DTD1: variants seen among roughly 807,000 people sequenced by gnomAD.
The protein encoded by DTD1 is D-tyrosyl-tRNA deacylase 1 homolog.
Under a neutral mutation model 25.6 loss-of-function variants are expected in DTD1, and 13 were observed. The ratio of observed to expected loss-of-function variants is 0.51; its 90% CI spans 0.33 to 0.81. The LOEUF is 0.81. Ranked by LOEUF, DTD1 falls within the 30% of genes least tolerant of loss-of-function variation. The probability of loss-of-function intolerance (pLI) is 0.02; values close to 1 mark genes in which losing one functional copy is unlikely to be tolerated. For synonymous variants in DTD1, 110 were observed against 103.6 expected (o/e 1.06, Z -0.37); for missense variants, 193 against 266.4 (o/e 0.72, Z 1.92).
intron 4 of DTD1, among the ~76,000 whole-genome samples, chr20:18,680,517 C>T (rs949183693): frequency 6.7e-6 from 1 of 150,100 alleles, no homozygotes; most frequent in Non-Finnish European, 1.5e-5. Flanking sequence ...GTTGGGATTA[C>T]AGGTGTGAGC....
chr20:18,735,987 G>A (rs1366587188), intron 4 of DTD1, among the ~76,000 whole-genome samples: 5 of 152,056 alleles, frequency 3.3e-5, no homozygotes. Flanking sequence ...TGTATCTTAT[G>A]TGTGGCCCAA....
chr20:18,690,438 A>C (rs1307815334), intron 4 of DTD1, among the ~76,000 whole-genome samples: 2 of 152,078 alleles, frequency 1.3e-5, no homozygotes, highest in Non-Finnish European at 2.9e-5. Context: ...CCAAGAGGGT[A>C]TTTCCTAGGT....
chr20:18,745,792 C>A (rs545267247), intron 5 of DTD1, among the ~76,000 whole-genome samples: 1 of 152,122 alleles, frequency 6.6e-6, no homozygotes, highest in East Asian at 1.9e-4. Context: ...TGGTATGCAA[C>A]CCTGAGGAAT....
At chr20:18,760,142 T>A (rs2061355636) in intron 5 of DTD1, among the ~76,000 whole-genome samples, 2 of 152,218 alleles carry the variant, frequency 1.3e-5, no homozygotes, top group South Asian at 4.1e-4. Context: ...TCGTCTAATC[T>A]TTTTTCAAGG....
chr20:18,738,736 C>A (rs1286244997), intron 4 of DTD1, among the ~76,000 whole-genome samples: 1 of 152,158 alleles, frequency 6.6e-6, no homozygotes, highest in Non-Finnish European at 1.5e-5. Context: ...AAGTAGGAGA[C>A]TCCTGCCAGC....
At chr20:18,757,246 A>G (rs1262066903) in intron 5 of DTD1, among the ~76,000 whole-genome samples, 2 of 152,186 alleles carry the variant, frequency 1.3e-5, no homozygotes, top group Non-Finnish European at 1.5e-5. Context: ...CTGTTTTCCT[A>G]ATTGAATACC....
chr20:18,642,055 A>C (rs1168759276), intron 4 of DTD1, among the ~76,000 whole-genome samples: 2 of 152,180 alleles, frequency 1.3e-5, no homozygotes, highest in African/African-American at 2.4e-5. Flanking sequence ...TATAAGGTGT[A>C]TGATGTTTTT....
intron 1 of DTD1, chr20:18,588,611 T>C (rs1305081882): frequency 2.4e-6 from 1 of 421,690 alleles, no homozygotes. Flanking sequence ...GGAGAGTTGC[T>C]CCTTGGGCTG....
In DTD1 at chr20:18,628,373, G is replaced by C. The variant is rs77499464; in HGVS notation, c.477+140G>C. The C allele has an allele frequency of 1.1e-3, 713 of 664,524 alleles. 7 individuals are homozygous for C. The African/African-American group carries it at 0.012, about 11-fold the overall frequency. The allele number at this position is 664,524 out of a possible 1,614,324, so 41.2% of individuals were successfully genotyped here. On this transcript the variant is annotated intron_variant, in intron 4 of 5. Transcript: ENST00000377452. ...TTTTAATACCTGCCTTCCCAAGAGT[G>C]CATGTTTACGGTGCACTCCTGAGTA...
At chr20:18,708,460 A>G (rs6136481) in intron 4 of DTD1, among the ~76,000 whole-genome samples, 44,428 of 143,224 alleles carry the variant, frequency 0.31, 7,499 homozygotes, top group Non-Finnish European at 0.38. Context: ...GGTTCAAGCG[A>G]TTCTCGTGCC....
At chr20:18,703,351 GA>G (rs963552167) in intron 4 of DTD1, among the ~76,000 whole-genome samples, 1 of 152,096 alleles carries the variant, frequency 6.6e-6, no homozygotes, top group African/African-American at 2.4e-5. Flanking sequence ...CAAACTTCAT[GA>G]AGATGTGTCC....
chr20:18,658,834 C>T (rs1375121561), intron 4 of DTD1, among the ~76,000 whole-genome samples: 1 of 152,166 alleles, frequency 6.6e-6, no homozygotes, highest in Non-Finnish European at 1.5e-5. Flanking sequence ...AGGGGTGGGA[C>T]ACTGATTAGC....
At chr20:18,718,457 G>A (rs757805315) in intron 4 of DTD1, among the ~76,000 whole-genome samples, 1 of 152,188 alleles carries the variant, frequency 6.6e-6, no homozygotes, top group African/African-American at 2.4e-5. Context: ...GGGATAATGA[G>A]GGGGAGACAT....
chr20:18,735,185 G>A (rs2061251100), intron 4 of DTD1, among the ~76,000 whole-genome samples: 1 of 152,230 alleles, frequency 6.6e-6, no homozygotes, highest in African/African-American at 2.4e-5. Flanking sequence ...TGGGATTTGA[G>A]TTCTTCTTTT....
chr20:18,625,134 A>G (rs1381302741), intron 3 of DTD1, among the ~76,000 whole-genome samples: 5 of 152,126 alleles, frequency 3.3e-5, no homozygotes, highest in African/African-American at 1.2e-4. Context: ...CAAGTGGAGA[A>G]CCCTGATAAG....
intron 4 of DTD1, among the ~76,000 whole-genome samples, chr20:18,630,018 C>T (rs1340480402): frequency 6.6e-6 from 1 of 151,908 alleles, no homozygotes; most frequent in Non-Finnish European, 1.5e-5. Flanking sequence ...GACACAAATC[C>T]AAACCATAGC....
At chr20:18,747,567 C>T (rs1290313379) in intron 5 of DTD1, among the ~76,000 whole-genome samples, 1 of 152,322 alleles carries the variant, frequency 6.6e-6, no homozygotes, top group East Asian at 1.9e-4. Flanking sequence ...AGAAGCAAAA[C>T]TCAGATTGGA....
chr20:18,761,747 G>A (rs536891687), intron 5 of DTD1, among the ~76,000 whole-genome samples: 2 of 152,276 alleles, frequency 1.3e-5, no homozygotes, highest in East Asian at 3.9e-4. Context: ...GGTCAATGTG[G>A]GGAACAATTA....
At chr20:18,728,650 C>T (rs922691224) in intron 4 of DTD1, among the ~76,000 whole-genome samples, 2 of 152,046 alleles carry the variant, frequency 1.3e-5, no homozygotes, top group Non-Finnish European at 2.9e-5. Flanking sequence ...AGGGATGTGG[C>T]CCTAAGGTTG....
Sources: gnomAD v4.1 joint callset for allele counts (sites outside exome capture counted in the v4.1 genomes callset) on GRCh38, gnomAD v4.1.1 for gene constraint, MANE v1.5 for transcripts, NCBI Gene and HGNC (gene_info 2026-07-23, HGNC 2026-07-21) for gene names.